The following CDKL4 variants were observed in gnomAD, a reference collection of about 807,000 sequenced individuals.
CDKL4 encodes the protein cyclin-dependent kinase-like 4.
A neutral mutation model predicts 42.0 loss-of-function variants in CDKL4; 44 were observed. The ratio of observed to expected loss-of-function variants is 1.05; its 90% CI spans 0.82 to 1.35. The LOEUF is 1.35. CDKL4 is among the 40% of genes most tolerant of loss of function. The pLI is 0.00. For missense variants in CDKL4, 393 were observed against 369.9 expected (o/e 1.06, Z -0.51); for synonymous variants, 120 against 121.6 (o/e 0.99, Z 0.09).
At chr2:39,170,333 A>T in the CDKL4 span, among the ~76,000 whole-genome samples, 1 of 151,892 alleles carries the variant, frequency 6.6e-6, no homozygotes, top group African/African-American at 2.4e-5. Context: ...AAGAAAAGAT[A>T]AAACAAACAA....
At chr2:39,184,679 C>CTTTGTTCTT in intron 7 of CDKL4, 32 bp from the exon 8 acceptor site, 2 of 1,476,118 alleles carry the variant, frequency 1.4e-6, no homozygotes, top group Non-Finnish European at 1.9e-6. Flanking sequence ...TTCAATATTA[C>CTTTGTTCTT]ATAAGAACAA....
intron 1 of CDKL4, among the ~76,000 whole-genome samples, chr2:39,233,532 A>T (rs1350737334): frequency 6.6e-6 from 1 of 152,186 alleles, no homozygotes; most frequent in Non-Finnish European, 1.5e-5. Flanking sequence ...GACAGGGAAA[A>T]AGTGTCATCA....
chr2:39,202,803 A>G (rs937927452), intron 5 of CDKL4, among the ~76,000 whole-genome samples: 1 of 152,216 alleles, frequency 6.6e-6, no homozygotes, highest in African/African-American at 2.4e-5. Flanking sequence ...TTAGCATTTT[A>G]TCACATAATG....
downstream of CDKL4, among the ~76,000 whole-genome samples, chr2:39,172,226 C>A (rs188877892): frequency 1.3e-5 from 2 of 151,610 alleles, no homozygotes; most frequent in Admixed American, 1.3e-4. Context: ...GCAGGAGAAT[C>A]ATTTGACCCC....
intron 3 of CDKL4, among the ~76,000 whole-genome samples, chr2:39,222,447 G>A (rs550448552): frequency 2.0e-5 from 3 of 151,950 alleles, no homozygotes; most frequent in East Asian, 3.9e-4. Context: ...AAAATTAGCC[G>A]GGCATGGTAG....
At chr2:39,235,900 T>C (rs193127716) in intron 1 of CDKL4, among the ~76,000 whole-genome samples, 13 of 151,340 alleles carry the variant, frequency 8.6e-5, no homozygotes, top group Admixed American at 5.9e-4. Context: ...AAAAAAAATA[T>C]GAGACATGCT....
exon 3 of CDKL4, chr2:39,225,894 C>T: frequency 6.2e-7 from 1 of 1,611,820 alleles, no homozygotes; most frequent in South Asian, 1.1e-5. Context: ...TATTCAAAAA[C>T]TAAATGCATT....
At chr2:39,230,711 CAAT>C (rs1679045004) in intron 1 of CDKL4, among the ~76,000 whole-genome samples, 1 of 152,136 alleles carries the variant, frequency 6.6e-6, no homozygotes, top group African/African-American at 2.4e-5. Flanking sequence ...ATAACAATTA[CAAT>C]AATAATGGCA....
At chr2:39,207,394 A>T (rs1677268607) in intron 4 of CDKL4, among the ~76,000 whole-genome samples, 1 of 152,150 alleles carries the variant, frequency 6.6e-6, no homozygotes, top group African/African-American at 2.4e-5. Context: ...CAAAAAAAAA[A>T]ATTTTTTTTT....
At chr2:39,202,298 G>A (rs978771287) in intron 5 of CDKL4, among the ~76,000 whole-genome samples, 3 of 151,850 alleles carry the variant, frequency 2.0e-5, no homozygotes, top group Admixed American at 6.6e-5. Context: ...ACTTTTTCAA[G>A]TAACCAAACA....
At chr2:39,188,499 T>C (rs1049615973) in intron 6 of CDKL4, among the ~76,000 whole-genome samples, 2 of 124,464 alleles carry the variant, frequency 1.6e-5, no homozygotes, top group African/African-American at 5.9e-5. Flanking sequence ...GAGGCGGAGG[T>C]TGCAGTGAGC....
intron 3 of CDKL4, among the ~76,000 whole-genome samples, chr2:39,223,406 A>G (rs1678493883): frequency 6.6e-6 from 1 of 152,148 alleles, no homozygotes; most frequent in Non-Finnish European, 1.5e-5. Flanking sequence ...CTCTCTAGCC[A>G]TCAATGAGGA....
Position 39,185,356 on chromosome 2 carries a change from A to C in CDKL4, c.736-709T>G, listed in dbSNP as rs866367907. On this transcript the variant is annotated intron_variant, in intron 7 of 9. Transcript: ENST00000451199. ...TATGTATATATATACACATATGTAT[A>C]TATACATATATATATACATATGTAT... Among the ~76,000 whole-genome samples the C allele has an allele frequency of 3.0e-5, 3 of 99,560 alleles. 1 individual carries two copies. Among genetic ancestry groups the C allele is most frequent in the African/African-American group, 1.3e-4 (3 of 23,658 alleles). The allele number at this position is 99,560 out of a possible 152,430, so 65.3% of individuals were successfully genotyped here.
In CDKL4 at chr2:39,185,404, G is replaced by GTATATATATACACATA. The variant is rs1558547512; in HGVS notation, c.736-758_736-757insTATGTGTATATATATA. Among the ~76,000 whole-genome samples, 3 of 3,660 alleles carry GTATATATATACACATA rather than the reference G, an allele frequency of 8.2e-4. 1 individual carries two copies. The highest frequency in any genetic ancestry group is 2.8e-3 in the Non-Finnish European group (2 of 716). The allele number at this position is 3,660 out of a possible 152,430, so 2.4% of individuals were successfully genotyped here. A position where few individuals can be genotyped will look rare whatever the true frequency, so the allele number is the denominator to read the frequency against. ...TATATATACATGTATATATACATAT[G>GTATATATATACACATA]TGTATATATACATATATATATACAT... On this transcript the variant is annotated intron_variant, in intron 7 of 9. Transcript: ENST00000451199.
chr2:39,185,983 T>C (rs181778651), intron 7 of CDKL4, among the ~76,000 whole-genome samples: 15 of 152,168 alleles, frequency 9.9e-5, no homozygotes, highest in Admixed American at 3.3e-4. Context: ...TGAAAATACA[T>C]TGGACTACAT....
At chr2:39,170,065 T>A in the CDKL4 span, among the ~76,000 whole-genome samples, 2 of 152,122 alleles carry the variant, frequency 1.3e-5, no homozygotes, top group South Asian at 4.2e-4. Context: ...AGTTTTGACA[T>A]GTTGCCCAGG....
intron 3 of CDKL4, among the ~76,000 whole-genome samples, chr2:39,223,125 G>A (rs566106172): frequency 2.0e-5 from 3 of 151,984 alleles, no homozygotes; most frequent in African/African-American, 7.3e-5. Flanking sequence ...TTGTTCTAAA[G>A]CATGCTCTCT....
At chr2:39,215,238 G>A (rs940186466) in intron 3 of CDKL4, among the ~76,000 whole-genome samples, 1 of 152,098 alleles carries the variant, frequency 6.6e-6, no homozygotes, top group Admixed American at 6.5e-5. Flanking sequence ...TTTTACTAAT[G>A]TTTAGTGATT....
downstream of CDKL4, among the ~76,000 whole-genome samples, chr2:39,171,828 C>A (rs1174925422): frequency 6.6e-6 from 1 of 152,156 alleles, no homozygotes; most frequent in Non-Finnish European, 1.5e-5. Flanking sequence ...CGTCACTCAC[C>A]ATGATGGCGC....
Sources: gnomAD v4.1 joint callset for allele counts (sites outside exome capture counted in the v4.1 genomes callset) on GRCh38, gnomAD v4.1.1 for gene constraint, MANE v1.5 for transcripts, NCBI Gene and HGNC (gene_info 2026-07-23, HGNC 2026-07-21) for gene names.